Variants in LRP2 observed in about 807,000 individuals in gnomAD.
The protein encoded by LRP2 is low-density lipoprotein receptor-related protein 2.
A neutral mutation model predicts 531.0 loss-of-function variants in LRP2; 172 were observed. The ratio of observed to expected loss-of-function variants is 0.32; its 90% CI spans 0.29 to 0.37. The LOEUF is 0.37. LRP2 is among the 10% of genes least tolerant of loss of function. The probability of loss-of-function intolerance (pLI) is 1.00; values close to 1 mark genes in which losing one functional copy is unlikely to be tolerated. For missense variants in LRP2, 5,167 were observed against 5,868.3 expected, an observed-to-expected ratio of 0.88 and a Z score of 3.90; for synonymous variants, 1,992 against 2,027.6, an observed-to-expected ratio of 0.98 and a Z score of 0.47.
At chr2:169,152,658 A>AT in intron 67 of LRP2, 141 bp downstream of exon 67, 1 of 880,676 alleles carries the variant, frequency 1.1e-6, no homozygotes, top group Non-Finnish European at 1.9e-6. Context: ...GGGCTTCAGC[A>AT]AGCCCAACCA....
intron 57 of LRP2, 128 bp from the exon 58 acceptor site, chr2:169,172,262 T>A: frequency 9.4e-7 from 1 of 1,063,866 alleles, no homozygotes; most frequent in Admixed American, 2.0e-5. Flanking sequence ...AAGAGAGGAA[T>A]GCCAGCAACA....
chr2:169,283,666 A>T (rs766894592), intron 9 of LRP2, among the ~76,000 whole-genome samples: 5 of 152,210 alleles, frequency 3.3e-5, no homozygotes, highest in African/African-American at 4.8e-5. Flanking sequence ...TCAAAAAATT[A>T]TAACCAAAAT....
chr2:169,200,885 A>G (rs988729325), intron 44 of LRP2, among the ~76,000 whole-genome samples: 1 of 152,218 alleles, frequency 6.6e-6, no homozygotes, highest in African/African-American at 2.4e-5. Context: ...TGGGAGCTTC[A>G]TAAGAGATGA....
At position 169,132,658 on chromosome 2, in the gene LRP2, A is replaced by T; in HGVS notation, c.13644T>A (p.Asp4548Glu). ...TTATGGGACTTCCATAATTCTTATT[A>T]TCCACATTTTCAGATACAGTCACCT... The part of the protein sequence containing the change: ...PIQVTVSENV[D>E]NKNYGSPINP... The change falls in exon 77 of 79, where the codon GAT (aspartate) becomes GAA (glutamate). Residue 4548 changes from aspartate to glutamate, a missense_variant. By Grantham distance (45) the Asp-to-Glu change is conservative. This residue lies in a region of LRP2 where 348 missense variants were observed against 369.3 expected (regional missense o/e 0.94). Transcript: ENST00000649046. 1 of 1,602,650 alleles carries T rather than the reference A, an allele frequency of 6.2e-7. No homozygotes were observed. Among genetic ancestry groups the T allele is most frequent in the South Asian group, 1.1e-5 (1 of 90,838 alleles).
In LRP2 at chr2:169,320,796, G is replaced by A. The variant is rs756953048; in HGVS notation, c.168C>T (p.Asp56=). Residue 56 remains aspartate, a synonymous_variant, in exon 2 of 79, where the codon GAC becomes GAT. Transcript: ENST00000649046. The part of the protein sequence containing the change: ...RCDGTKDCSD[D]ADEIGCAVVT... ...ACTTACCGCAGCCAATTTCATCCGC[G>A]TCATCTGAACAGTCTTTGGTCCCAT... The A allele has an allele frequency of 1.2e-5, 19 of 1,613,892 alleles. No homozygotes were observed. Among genetic ancestry groups the A allele is most frequent in the South Asian group, 4.4e-5 (4 of 91,086 alleles).
chr2:169,263,219 G>C (rs1439413528), intron 16 of LRP2, among the ~76,000 whole-genome samples: 3 of 152,014 alleles, frequency 2.0e-5, no homozygotes, highest in Non-Finnish European at 4.4e-5. Context: ...CAAAAGCAAT[G>C]GCAACAAAAG....
intron 52 of LRP2, among the ~76,000 whole-genome samples, chr2:169,179,902 A>G (rs1687365924): frequency 6.6e-6 from 1 of 152,008 alleles, no homozygotes; most frequent in South Asian, 2.1e-4. Context: ...AACATGGCTC[A>G]TGAATATTAA....
chr2:169,319,440 C>T (rs993679871), intron 2 of LRP2, among the ~76,000 whole-genome samples: 11 of 152,184 alleles, frequency 7.2e-5, no homozygotes, highest in Admixed American at 3.3e-4. Context: ...TATGTGAAAG[C>T]GCCATGTAAT....
chr2:169,154,894 C>T (rs985568673), intron 65 of LRP2, among the ~76,000 whole-genome samples: 8 of 152,148 alleles, frequency 5.3e-5, no homozygotes, highest in South Asian at 2.1e-4. Context: ...GAGAACCCTA[C>T]GTACAGTCCT....
intron 33 of LRP2, among the ~76,000 whole-genome samples, chr2:169,225,066 G>A (rs1004809355): frequency 6.6e-6 from 1 of 151,904 alleles, no homozygotes; most frequent in African/African-American, 2.4e-5. Context: ...ACTCCAGCCT[G>A]GGCGACAGAG....
intron 37 of LRP2, among the ~76,000 whole-genome samples, chr2:169,211,529 T>C (rs191432797): frequency 5.8e-4 from 88 of 152,346 alleles, no homozygotes; most frequent in Admixed American, 5.7e-3. Context: ...AATAGTAGTA[T>C]ACCTTCTACC....
Position 169,206,717 on chromosome 2 carries a change from G to T in LRP2, c.7003C>A (p.Pro2335Thr). ...DVTIFDKQVQ[P>T]RSPAEVNNNP... The stretch of plus-strand genomic sequence containing the variant: ...TTGTTGACCTCTGCTGGTGACCGGG[G>T]CTGGACTTGCTTGTCAAAGATGGTC... The change falls in exon 39 of 79, where the codon CCC (proline) becomes ACC (threonine). Residue 2335 changes from proline to threonine, a missense_variant. By Grantham distance (38) the Pro-to-Thr change is conservative. Around this residue, in one of 6 missense-constraint regions of LRP2, gnomAD observed 2,811 missense variants for 3,058.0 expected, o/e 0.92. Transcript: ENST00000649046. 1 of 1,614,150 alleles carries T rather than the reference G, an allele frequency of 6.2e-7. No homozygotes were observed. Among genetic ancestry groups the T allele is most frequent in the African/African-American group, 1.3e-5 (1 of 75,030 alleles).
At chr2:169,170,011 T>C (rs2105274877) in intron 59 of LRP2, among the ~76,000 whole-genome samples, 193 bp from the exon 60 acceptor site, 1 of 152,338 alleles carries the variant, frequency 6.6e-6, no homozygotes, top group South Asian at 2.1e-4. Context: ...CATACAGAGA[T>C]GGAAGTACCT....
chr2:169,212,810 G>C (rs1259877391), intron 36 of LRP2, among the ~76,000 whole-genome samples: 1 of 151,896 alleles, frequency 6.6e-6, no homozygotes, highest in Non-Finnish European at 1.5e-5. Context: ...ACTACAAATA[G>C]GGTGCAGTGT....
chr2:169,291,794 A>C (rs550493257), intron 7 of LRP2, among the ~76,000 whole-genome samples: 4 of 152,328 alleles, frequency 2.6e-5, no homozygotes, highest in Non-Finnish European at 5.9e-5. Flanking sequence ...CAGAATTTAC[A>C]AAACCAAAAC....
At chr2:169,243,343 G>A (rs1689881827) in intron 23 of LRP2, 60 bp downstream of exon 23, 1 of 1,601,002 alleles carries the variant, frequency 6.2e-7, no homozygotes, top group Non-Finnish European at 8.6e-7. Context: ...GTGTCCATGT[G>A]TTAACACTGA....
intron 12 of LRP2, among the ~76,000 whole-genome samples, chr2:169,278,705 T>C (rs7568568): frequency 0.1 from 15,497 of 152,278 alleles, 1,013 homozygotes; most frequent in African/African-American, 0.18. Flanking sequence ...ATAATCATCA[T>C]TCACAAAGAC....
At chr2:169,165,869 T>C (rs1686762160) in intron 62 of LRP2, 63 bp downstream of exon 62, 1 of 1,607,540 alleles carries the variant, frequency 6.2e-7, no homozygotes, top group African/African-American at 1.3e-5. Flanking sequence ...AGAGGCACAT[T>C]TTCCAAACTG....
chr2:169,135,971 ACTCC>A (rs1458305399), intron 76 of LRP2, among the ~76,000 whole-genome samples: 75 of 151,866 alleles, frequency 4.9e-4, no homozygotes, highest in African/African-American at 1.8e-3. Flanking sequence ...GCCACTCTTA[ACTCC>A]CTCTTAAAGT....
Sources: allele counts gnomAD v4.1 joint callset (sites outside exome capture counted in the v4.1 genomes callset), GRCh38; gene constraint gnomAD v4.1.1; regional missense constraint gnomAD v4.1.1; transcripts MANE v1.5; gene names NCBI Gene and HGNC (gene_info 2026-07-23, HGNC 2026-07-21).